Variants in CALN1 observed in about 807,000 individuals in gnomAD.
The protein encoded by CALN1 is calneuron 1.
A neutral mutation model predicts 30.6 loss-of-function variants in CALN1; 17 were observed. That is an observed-to-expected ratio of 0.56 (90% confidence interval 0.38 to 0.83). The LOEUF is 0.83. Ranked by LOEUF, CALN1 falls within the 40% of genes least tolerant of loss-of-function variation. The pLI is 0.00. For missense variants in CALN1, 291 were observed against 354.9 expected, an observed-to-expected ratio of 0.82 and a Z score of 1.45; for synonymous variants, 156 against 131.4, an observed-to-expected ratio of 1.19 and a Z score of -1.28.
chr7:71,964,177 AT>A (rs1459956333), intron 5 of CALN1, among the ~76,000 whole-genome samples: 5 of 152,160 alleles, frequency 3.3e-5, no homozygotes, highest in Non-Finnish European at 7.3e-5. Flanking sequence ...GTGTTCCTTT[AT>A]CCCCCGTCAC....
At chr7:72,109,971 G>A (rs1359740089) in intron 3 of CALN1, among the ~76,000 whole-genome samples, 1 of 152,212 alleles carries the variant, frequency 6.6e-6, no homozygotes, top group Non-Finnish European at 1.5e-5. Context: ...AGTGTCAGAG[G>A]ATGACAAGGT....
chr7:71,988,636 A>C (rs139971779), intron 5 of CALN1, among the ~76,000 whole-genome samples: 79 of 152,208 alleles, frequency 5.2e-4, no homozygotes, highest in African/African-American at 1.8e-3. Context: ...TTCTTCTGGG[A>C]AATTAGGAGA....
rs537972506 is a variant in CALN1 at position 72,429,310 on chromosome 7, C to A, written c.-225-17035G>T. Among the ~76,000 whole-genome samples, 73 of 152,276 alleles carry A rather than the reference C, an allele frequency of 4.8e-4. 2 individuals carry two copies. The South Asian group carries it at 0.015, about 31-fold the overall frequency. ...CCCTAGACTATGAGTCCCGTCAGAG[C>A]AGGACCTTATTGGTTTTGTTCCTTG... is the stretch of plus-strand genomic sequence containing the variant. On this transcript the variant is annotated intron_variant, in intron 1 of 6. Coordinates refer to the CALN1 transcript ENST00000395276.
At chr7:72,080,569 T>C (rs548914326) in intron 4 of CALN1, among the ~76,000 whole-genome samples, 360 of 152,084 alleles carry the variant, frequency 2.4e-3, no homozygotes, top group African/African-American at 8.5e-3. Context: ...GTGTAGAGGG[T>C]AGAAGCAGGA....
intron 2 of CALN1, among the ~76,000 whole-genome samples, chr7:72,357,264 A>G (rs1003517982): frequency 6.6e-6 from 1 of 151,888 alleles, no homozygotes; most frequent in African/African-American, 2.4e-5. Flanking sequence ...GAGCCTTGCT[A>G]ACACAAACCC....
rs775167016 is a variant in CALN1 at position 72,403,396 on chromosome 7, G to C, written c.-27C>G. On this transcript the variant is annotated 5_prime_UTR_variant, in exon 2 of 7. Coordinates refer to ENST00000395275, the MANE Select transcript of CALN1 (RefSeq NM_031468.4). ...GGGGGTCCAGGGCGATGTTCTCAGA[G>C]AGAGTTAGAAGCTCATCAAAGGAAC... 4 of 1,527,406 alleles carry C rather than the reference G, an allele frequency of 2.6e-6. No homozygotes were observed. Among genetic ancestry groups the C allele is most frequent in the Admixed American group, 2.0e-5 (1 of 50,090 alleles). 94.6% of individuals were successfully genotyped at this position (1,527,406 alleles called of 1,614,324 possible).
intron 5 of CALN1, among the ~76,000 whole-genome samples, chr7:71,820,989 A>C (rs1788554003): frequency 6.6e-6 from 1 of 152,154 alleles, no homozygotes; most frequent in South Asian, 2.1e-4. Context: ...CCTGGGTTTT[A>C]CGTTCAGCTG....
chr7:72,220,632 T>A lies in CALN1; in HGVS notation c.244+58054A>T, dbSNP rs1030253860. ...GGAATTGCCACACTGACTTCCACAA[T>A]GGTTGAACCAGTTTACAGTCCCACC... is the stretch of plus-strand genomic sequence containing the variant. On this transcript the variant is annotated intron_variant, in intron 3 of 6. Coordinates refer to ENST00000395275, the MANE Select transcript of CALN1 (RefSeq NM_031468.4). Among the ~76,000 whole-genome samples, 8 of 152,204 alleles carry A rather than the reference T, an allele frequency of 5.3e-5. No individual in the cohort carries two copies. In the East Asian group the frequency reaches 5.8e-4, roughly 11 times the overall value.
intron 2 of CALN1, among the ~76,000 whole-genome samples, chr7:72,281,150 A>G (rs1797711744): frequency 6.6e-6 from 1 of 151,182 alleles, no homozygotes; most frequent in African/African-American, 2.4e-5. Context: ...AAAAAAAAAG[A>G]TGAATTCAGC....
the CALN1 span, among the ~76,000 whole-genome samples, chr7:72,487,890 A>AAAGAAAG: frequency 2.2e-3 from 133 of 60,244 alleles, 6 homozygotes; most frequent in African/African-American, 9.9e-3. Flanking sequence ...GAAAGAAAAG[A>AAAGAAAG]AAAGAAAGAA....
the CALN1 span, among the ~76,000 whole-genome samples, chr7:72,452,466 G>A: frequency 6.6e-6 from 1 of 152,040 alleles, no homozygotes; most frequent in Non-Finnish European, 1.5e-5. Flanking sequence ...GTTAAAAAAA[G>A]AGCCTGGCAC....
intron 6 of CALN1, among the ~76,000 whole-genome samples, chr7:71,798,103 GAGAGAGAC>G (rs1787051919): frequency 2.2e-5 from 2 of 91,714 alleles, no homozygotes; most frequent in Non-Finnish European, 3.9e-5. Flanking sequence ...GAGAGAGACA[GAGAGAGAC>G]AGAGACAGAG....
chr7:72,052,295 GC>G, intron 4 of CALN1, among the ~76,000 whole-genome samples: 1 of 152,186 alleles, frequency 6.6e-6, no homozygotes, highest in East Asian at 1.9e-4. Context: ...CTCCTGATCT[GC>G]CGTCCCGACA....
intron 2 of CALN1, among the ~76,000 whole-genome samples, chr7:72,380,557 C>T (rs1480756272): frequency 3.9e-5 from 6 of 152,168 alleles, no homozygotes; most frequent in Non-Finnish European, 8.8e-5. Context: ...CATGACTTCT[C>T]ATTTACCTGG....
chr7:72,328,295 T>C (rs1801424252), intron 2 of CALN1, among the ~76,000 whole-genome samples: 2 of 152,140 alleles, frequency 1.3e-5, no homozygotes, highest in South Asian at 4.1e-4. Context: ...AATTGAATCA[T>C]GGGGGTGGTT....
intron 5 of CALN1, among the ~76,000 whole-genome samples, chr7:71,849,634 A>G (rs1471419485): frequency 6.6e-6 from 1 of 152,108 alleles, no homozygotes; most frequent in Non-Finnish European, 1.5e-5. Context: ...AAGGTCTTCT[A>G]TATTATTAGA....
chr7:71,949,275 T>C (rs1796568006), intron 5 of CALN1, among the ~76,000 whole-genome samples: 1 of 152,070 alleles, frequency 6.6e-6, no homozygotes, highest in Admixed American at 6.5e-5. Flanking sequence ...GACAGAACTA[T>C]CCTCTCCATT....
At chr7:71,980,867 C>T (rs1798358207) in intron 5 of CALN1, among the ~76,000 whole-genome samples, 1 of 152,116 alleles carries the variant, frequency 6.6e-6, no homozygotes, top group Admixed American at 6.5e-5. Context: ...CAAAATGAGA[C>T]ACCTGGGCTC....
intron 3 of CALN1, among the ~76,000 whole-genome samples, chr7:72,148,113 AC>A (rs1563098549): frequency 4.0e-5 from 6 of 149,408 alleles, no homozygotes; most frequent in East Asian, 2.0e-4. Context: ...AAAAAAAAAA[AC>A]AACCAACCAA....
Sources: allele counts gnomAD v4.1 joint callset (sites outside exome capture counted in the v4.1 genomes callset), GRCh38; gene constraint gnomAD v4.1.1; transcripts MANE v1.5; gene names NCBI Gene and HGNC (gene_info 2026-07-23, HGNC 2026-07-21).